CDYL: variants seen among roughly 807,000 people sequenced by gnomAD.
CDYL encodes the protein chromodomain Y-like protein.
In CDYL, 8 loss-of-function variants were observed where a neutral mutation model predicts 47.3. The ratio of observed to expected loss-of-function variants is 0.17; its 90% CI spans 0.10 to 0.31. The LOEUF (loss-of-function observed/expected upper bound fraction) is 0.31. CDYL is among the 10% of genes least tolerant of loss of function. The pLI is 1.00. For missense variants in CDYL, 471 were observed against 701.4 expected (o/e 0.67, Z 3.71); for synonymous variants, 266 against 265.0 (o/e 1.00, Z -0.04).
rs141685327 is a variant in CDYL, at chr6:4,740,475, C to T, written c.186+5631C>T. 8.3e-4 allele frequency among the ~76,000 whole-genome samples: 126 copies of T among 152,272 alleles called. 1 individual carries two copies. In the South Asian group the frequency reaches 0.016, roughly 20 times the overall value. The stretch of plus-strand genomic sequence containing the variant: ...TCAGGACAGCCCCCACCACAAAGAA[C>T]CATCTGGTCCAAATGTCAATAGTGC... On this transcript the variant is annotated intron_variant, in intron 3 of 8. Coordinates refer to the CDYL transcript ENST00000328908.
chr6:4,770,175 C>T (rs1407494166), intron 3 of CDYL, among the ~76,000 whole-genome samples: 1 of 152,098 alleles, frequency 6.6e-6, no homozygotes, highest in Non-Finnish European at 1.5e-5. Flanking sequence ...GTCTATCTAT[C>T]CTAATAGATT....
intron 3 of CDYL, among the ~76,000 whole-genome samples, chr6:4,769,837 C>A (rs1030856419): frequency 6.6e-6 from 1 of 152,170 alleles, no homozygotes; most frequent in Non-Finnish European, 1.5e-5. Flanking sequence ...CGCTCTGTTG[C>A]CCAGGCTGGA....
chr6:4,900,779 GTATATATATATA>G (rs59594195), intron 2 of CDYL, among the ~76,000 whole-genome samples: 1,411 of 51,708 alleles, frequency 0.027, 321 homozygotes, highest in Non-Finnish European at 0.039. Flanking sequence ...GTATACGTGT[GTATATATATATA>G]TATATATATA....
At chr6:4,805,883 AAAT>A (rs1487052360) in intron 1 of CDYL, among the ~76,000 whole-genome samples, 1 of 152,216 alleles carries the variant, frequency 6.6e-6, no homozygotes, top group Non-Finnish European at 1.5e-5. Flanking sequence ...ACAAACCCAG[AAAT>A]AATGTTTTAC....
intron 2 of CDYL, among the ~76,000 whole-genome samples, chr6:4,726,610 A>G (rs935489075): frequency 1.3e-5 from 2 of 151,062 alleles, no homozygotes; most frequent in Non-Finnish European, 2.9e-5. Flanking sequence ...CTGAGGCGAG[A>G]GGATTGCTTG....
chr6:4,889,107 A>G (rs1761971167), intron 1 of CDYL, among the ~76,000 whole-genome samples: 2 of 152,190 alleles, frequency 1.3e-5, no homozygotes, highest in South Asian at 2.1e-4. Flanking sequence ...TTCCATCACA[A>G]TAATTAATGG....
At chr6:4,755,227 A>AT (rs34342399) in intron 3 of CDYL, among the ~76,000 whole-genome samples, 6,005 of 142,086 alleles carry the variant, frequency 0.042, 266 homozygotes, top group African/African-American at 0.11. Flanking sequence ...TGCCCACCTA[A>AT]TTTTTTTTTT....
At chr6:4,797,377 G>C (rs372425548) in intron 1 of CDYL, among the ~76,000 whole-genome samples, 1 of 149,920 alleles carries the variant, frequency 6.7e-6, no homozygotes, top group Admixed American at 6.6e-5. Context: ...TCTCTTCTAC[G>C]TGGGCTGTTT....
chr6:4,865,104 G>A (rs1581221610), intron 1 of CDYL, among the ~76,000 whole-genome samples: 1 of 152,126 alleles, frequency 6.6e-6, no homozygotes, highest in African/African-American at 2.4e-5. Context: ...CTAATCAGTA[G>A]TTCACATCTG....
At chr6:4,836,194 C>T (rs559330650) in intron 1 of CDYL, 46 of 635,922 alleles carry the variant, frequency 7.2e-5, no homozygotes, top group Middle Eastern at 7.8e-4. Flanking sequence ...AGCTGTAGAC[C>T]GGAGCTGTTC....
intron 1 of CDYL, among the ~76,000 whole-genome samples, chr6:4,859,402 A>T (rs1761099620): frequency 6.6e-6 from 1 of 151,740 alleles, no homozygotes; most frequent in South Asian, 2.1e-4. Flanking sequence ...CTCAGTCCTG[A>T]GTTGGTTGCC....
At chr6:4,948,340 G>T (rs1476408477) in intron 5 of CDYL, among the ~76,000 whole-genome samples, 1 of 152,202 alleles carries the variant, frequency 6.6e-6, no homozygotes, top group Non-Finnish European at 1.5e-5. Context: ...ATGCTGCTCA[G>T]GGGTAGAGGT....
chr6:4,881,634 T>A (rs1455053782), intron 1 of CDYL, among the ~76,000 whole-genome samples: 1 of 152,228 alleles, frequency 6.6e-6, no homozygotes, highest in Non-Finnish European at 1.5e-5. Context: ...ATTTTCTGTC[T>A]ACATATGATA....
In CDYL at chr6:4,852,314, T is replaced by TCTTC. The variant is rs567284610; in HGVS notation, c.25-39381_25-39378dup. ...ATTCCTCCTAAAAAGGCAGGGCCAG[T>TCTTC]CTTCCTTCCTTCCTTCCTTCCCTCC... On this transcript the variant is annotated intron_variant, in intron 1 of 6. Coordinates refer to ENST00000397588, the MANE Select transcript of CDYL (RefSeq NM_004824.4). 2.0e-3 allele frequency among the ~76,000 whole-genome samples: 306 copies of TCTTC among 151,352 alleles called. 5 individuals carry two copies. The highest frequency in any genetic ancestry group is 6.7e-3 in the African/African-American group (274 of 40,788).
intron 1 of CDYL, chr6:4,706,291 C>T (rs2127404833): frequency 6.6e-6 from 1 of 152,320 alleles, no homozygotes; most frequent in Non-Finnish European, 1.5e-5. Flanking sequence ...GAGAGGAAGT[C>T]AATCTGGGAC....
At chr6:4,742,917 T>G (rs996398845) in intron 3 of CDYL, among the ~76,000 whole-genome samples, 6 of 152,244 alleles carry the variant, frequency 3.9e-5, no homozygotes, top group African/African-American at 1.4e-4. Flanking sequence ...AGTTGTCTAA[T>G]CACAGTTTTT....
Position 4,935,693 on chromosome 6 carries a change from T to C in CDYL, c.870T>C (p.Ile290=), listed in dbSNP as rs1228967880. 2 of 1,614,118 alleles carry C rather than the reference T, an allele frequency of 1.2e-6. No homozygotes were observed. Among genetic ancestry groups the C allele is most frequent in the Non-Finnish European group, 1.7e-6 (2 of 1,180,040 alleles). The part of the protein sequence containing the change: ...QTESAYRYRD[I]VVRKQDGFTH... ...AAAGTGCCTACAGATACAGAGATAT[T>C]GTGGTCAGGAAGCAGGATGGCTTCA... Residue 290 remains isoleucine, a synonymous_variant, in exon 3 of 7, where the codon ATT becomes ATC. Transcript: ENST00000397588.
At chr6:4,713,534 G>A (rs965845658) in intron 1 of CDYL, among the ~76,000 whole-genome samples, 7 of 151,474 alleles carry the variant, frequency 4.6e-5, no homozygotes, top group Non-Finnish European at 7.4e-5. Context: ...AGGTATTTCA[G>A]TATGACTTAA....
At chr6:4,931,174 G>T (rs1758023765) in intron 2 of CDYL, among the ~76,000 whole-genome samples, 1 of 152,184 alleles carries the variant, frequency 6.6e-6, no homozygotes, top group Non-Finnish European at 1.5e-5. Context: ...GAGTAAACAT[G>T]TACTGAGTGT....
Sources: gnomAD v4.1 joint callset for allele counts (sites outside exome capture counted in the v4.1 genomes callset) on GRCh38, gnomAD v4.1.1 for gene constraint, MANE v1.5 for transcripts, NCBI Gene and HGNC (gene_info 2026-07-23, HGNC 2026-07-21) for gene names.